The following RANBP2 variants were observed in gnomAD, a reference collection of about 807,000 sequenced individuals.
The protein encoded by RANBP2 is E3 SUMO-protein ligase RanBP2.
In RANBP2, 57 loss-of-function variants were observed where a neutral mutation model predicts 303.6. The observed-to-expected ratio is 0.19, with a 90% confidence interval of 0.15 to 0.23. The LOEUF (loss-of-function observed/expected upper bound fraction) is 0.23, where lower values mean the gene tolerates loss of function less well. RANBP2 is among the 10% of genes least tolerant of loss of function. The pLI is 1.00. For synonymous variants in RANBP2, 1,167 were observed against 1,301.5 expected (o/e 0.90, Z 2.23); for missense variants, 3,138 against 3,780.8 (o/e 0.83, Z 4.46).
chr2:108,966,408 G>A, the RANBP2 span, among the ~76,000 whole-genome samples: 133 of 152,338 alleles, frequency 8.7e-4, 1 homozygote, highest in African/African-American at 2.9e-3. Context: ...GAGGCCAGCC[G>A]CAGGCAGAGC....
At chr2:109,143,627 G>A in the RANBP2 span, among the ~76,000 whole-genome samples, 3 of 152,082 alleles carry the variant, frequency 2.0e-5, no homozygotes, top group Non-Finnish European at 1.5e-5. Context: ...GGTGGTGCAT[G>A]CCTGTAGTCC....
the RANBP2 span, among the ~76,000 whole-genome samples, chr2:109,397,632 G>T: frequency 2.6e-5 from 4 of 152,140 alleles, no homozygotes; most frequent in Non-Finnish European, 4.4e-5. Flanking sequence ...ACCTAACTGA[G>T]GCCCTGAGGA....
At chr2:109,399,919 T>G in the RANBP2 span, among the ~76,000 whole-genome samples, 1 of 152,180 alleles carries the variant, frequency 6.6e-6, no homozygotes, top group Non-Finnish European at 1.5e-5. Context: ...CCCACTCCAT[T>G]TCTCCCTGCG....
At chr2:109,603,095 C>A in the RANBP2 span, among the ~76,000 whole-genome samples, 1 of 151,356 alleles carries the variant, frequency 6.6e-6, no homozygotes. Context: ...AAAAACAAAA[C>A]AAAAAAGCAT....
chr2:109,565,910 A>G, the RANBP2 span: 1 of 1,434,182 alleles, frequency 7.0e-7, no homozygotes, highest in Non-Finnish European at 9.8e-7. Flanking sequence ...ATAACTGACT[A>G]GATAAAATAA....
chr2:109,303,561 A>G, the RANBP2 span, among the ~76,000 whole-genome samples: 2 of 152,314 alleles, frequency 1.3e-5, no homozygotes, highest in East Asian at 3.9e-4. Flanking sequence ...CCAGGAAGGA[A>G]ACCCACCCGA....
At chr2:109,412,355 C>G in the RANBP2 span, among the ~76,000 whole-genome samples, 4 of 152,268 alleles carry the variant, frequency 2.6e-5, no homozygotes, top group African/African-American at 9.6e-5. Context: ...GCAGGCCACC[C>G]TCCCAGTGTG....
At chr2:108,787,015 G>C (rs1678934693), downstream of RANBP2, 2 of 726,430 alleles carry the variant, frequency 2.8e-6, no homozygotes, top group Non-Finnish European at 3.9e-6. Flanking sequence ...AGCGGCTCTG[G>C]TCCCGGCCCC....
At chr2:108,847,598 T>C in the RANBP2 span, among the ~76,000 whole-genome samples, 1 of 152,258 alleles carries the variant, frequency 6.6e-6, no homozygotes, top group Non-Finnish European at 1.5e-5. Flanking sequence ...ATGTGTTTAA[T>C]ATTTAGCTAT....
At chr2:109,038,499 C>A in the RANBP2 span, among the ~76,000 whole-genome samples, 87 of 151,838 alleles carry the variant, frequency 5.7e-4, no homozygotes, top group African/African-American at 1.9e-3. Flanking sequence ...CAGTCATAAC[C>A]CGGTCTCTAA....
the RANBP2 span, among the ~76,000 whole-genome samples, chr2:109,162,917 A>T: frequency 5.3e-5 from 8 of 152,182 alleles, no homozygotes; most frequent in Non-Finnish European, 1.2e-4. Flanking sequence ...TGGTGGTAAG[A>T]GCCTCTTGGC....
the RANBP2 span, among the ~76,000 whole-genome samples, chr2:109,532,425 A>G: frequency 6.6e-6 from 1 of 152,146 alleles, no homozygotes; most frequent in Non-Finnish European, 1.5e-5. Flanking sequence ...TATAAACCAG[A>G]TAAGAGTGGA....
the RANBP2 span, among the ~76,000 whole-genome samples, chr2:109,176,035 C>G: frequency 6.6e-6 from 1 of 151,944 alleles, no homozygotes; most frequent in African/African-American, 2.4e-5. Flanking sequence ...ATCCTTGAGA[C>G]TCTGTCTTCA....
chr2:109,614,090 G>T, the RANBP2 span: 28 of 1,211,146 alleles, frequency 2.3e-5, no homozygotes, highest in Non-Finnish European at 2.9e-5. Context: ...GACGCCTGAG[G>T]ACTGAGCGTC....
the RANBP2 span, among the ~76,000 whole-genome samples, chr2:108,945,121 G>A: frequency 1.1e-4 from 16 of 152,124 alleles, no homozygotes; most frequent in East Asian, 3.9e-4. Context: ...CTGCCTGTCC[G>A]TGAGGCAGCT....
chr2:108,816,046 A>G, the RANBP2 span: 1 of 1,613,670 alleles, frequency 6.2e-7, no homozygotes, highest in East Asian at 2.2e-5. Flanking sequence ...AATGGATGGT[A>G]AAAAACCACA....
the RANBP2 span, among the ~76,000 whole-genome samples, chr2:109,082,731 T>C: frequency 2.0e-5 from 3 of 152,146 alleles, no homozygotes; most frequent in Admixed American, 6.5e-5. Flanking sequence ...AGGAAAACTC[T>C]GTGAGGTTGG....
chr2:109,481,245 C>G, the RANBP2 span, among the ~76,000 whole-genome samples: 1 of 152,242 alleles, frequency 6.6e-6, no homozygotes, highest in Non-Finnish European at 1.5e-5. Flanking sequence ...ACACAGGTCT[C>G]TCTGTGCTCA....
chr2:108,906,208 C>G, the RANBP2 span: 1 of 1,269,698 alleles, frequency 7.9e-7, no homozygotes, highest in Non-Finnish European at 1.2e-6. Context: ...GGATGGGCGG[C>G]TTCCCTCAGT....
Sources: allele counts gnomAD v4.1 joint callset (sites outside exome capture counted in the v4.1 genomes callset), GRCh38; gene constraint gnomAD v4.1.1; transcripts MANE v1.5; gene names NCBI Gene and HGNC (gene_info 2026-07-23, HGNC 2026-07-21).